The following UBN1 variants were observed in gnomAD, a reference collection of about 807,000 sequenced individuals.
UBN1 encodes the protein ubinuclein 1.
Under a neutral mutation model 108.5 loss-of-function variants are expected in UBN1, and 17 were observed. The ratio of observed to expected loss-of-function variants is 0.16; its 90% confidence interval spans 0.11 to 0.24. UBN1 has a LOEUF of 0.24. Among genes scored for constraint, UBN1 ranks in the 10% least tolerant of loss-of-function variants. The pLI is 1.00. For missense variants in UBN1, 1,595 were observed against 1,394.4 expected (o/e 1.14, Z -2.29); for synonymous variants, 726 against 564.2 (o/e 1.29, Z -4.07).
At chr16:4,876,130 T>C (rs1282164540) in intron 15 of UBN1, among the ~76,000 whole-genome samples, 1 of 152,098 alleles carries the variant, frequency 6.6e-6, no homozygotes, top group Non-Finnish European at 1.5e-5. Flanking sequence ...AGCTAATTTT[T>C]TGTGTTTTTA....
chr16:4,848,585 G>C (rs1178081047), intron 1 of UBN1, among the ~76,000 whole-genome samples: 1 of 152,208 alleles, frequency 6.6e-6, no homozygotes, highest in Non-Finnish European at 1.5e-5. Context: ...AGCGTACTGG[G>C]TCGTCCCGCA....
intron 3 of UBN1, among the ~76,000 whole-genome samples, chr16:4,858,301 T>C (rs1444930004): frequency 6.6e-6 from 1 of 152,180 alleles, no homozygotes; most frequent in African/African-American, 2.4e-5. Context: ...GAAGGGCCTG[T>C]GGTCGCCTTA....
In UBN1 at chr16:4,880,016, A is replaced by G. The variant is rs1378920728; in HGVS notation, c.3356-67A>G. ...TAGGTGTCTCCCTTGAAGTTTGGTT[A>G]CTACTGCCTTAAGGAAATCAGAGAG... On this transcript the variant is annotated intron_variant, in intron 17 of 17. Transcript: ENST00000262376. The G allele has an allele frequency of 1.9e-6, 3 of 1,568,946 alleles. No individual in the cohort carries two copies. The Admixed American group carries it at 5.0e-5, about 26-fold the overall frequency.
intron 14 of UBN1, among the ~76,000 whole-genome samples, chr16:4,873,710 G>A (rs988116824): frequency 6.6e-6 from 1 of 152,192 alleles, no homozygotes; most frequent in Non-Finnish European, 1.5e-5. Flanking sequence ...CAGGGATGCA[G>A]GAGTGAAGGA....
At position 4,880,071 on chromosome 16, in the gene UBN1, A is replaced by T. The variant is rs2088033681; in HGVS notation, c.3356-12A>T. On this transcript the variant is annotated splice_polypyrimidine_tract_variant and intron_variant, in intron 17 of 17. Coordinates refer to ENST00000262376, the MANE Select transcript of UBN1 (RefSeq NM_001079514.3). ...AAAAACTTGCGTTCTAATTTTTCTT[A>T]CTCTTTTCCAGGTGCTTCTCAGCTT... 1 of 1,613,626 alleles carries T rather than the reference A, an allele frequency of 6.2e-7. No homozygotes were observed. Among genetic ancestry groups the T allele is most frequent in the Non-Finnish European group, 8.5e-7 (1 of 1,179,900 alleles).
At position 4,861,818 on chromosome 16, in the gene UBN1, C is replaced by G. The variant is rs560692010; in HGVS notation, c.1110+716C>G. 3.3e-4 allele frequency among the ~76,000 whole-genome samples: 51 copies of G among 152,256 alleles called. No homozygotes were observed. The South Asian group carries it at 9.1e-3, about 27-fold the overall frequency. Reference sequence around the variant, plus strand: ...ATTAGCTGGGCCTGGTGGCGCTCGCCGTAATCCCGGCTACTTGGGAGGCTG... The same window carrying G: ...ATTAGCTGGGCCTGGTGGCGCTCGCGGTAATCCCGGCTACTTGGGAGGCTG... On this transcript the variant is annotated intron_variant, in intron 7 of 17. Transcript: ENST00000262376.
At chr16:4,863,848 T>G (rs901408438) in intron 7 of UBN1, among the ~76,000 whole-genome samples, 1 of 152,122 alleles carries the variant, frequency 6.6e-6, no homozygotes, top group Non-Finnish European at 1.5e-5. Flanking sequence ...TCTTCAGGGC[T>G]TGGTGGTCTC....
intron 8 of UBN1, among the ~76,000 whole-genome samples, chr16:4,869,253 T>C (rs2142231371): frequency 6.6e-6 from 1 of 152,170 alleles, no homozygotes; most frequent in South Asian, 2.1e-4. Context: ...TCCTGAAGAA[T>C]GAGAGACAGC....
chr16:4,858,967 T>G, intron 4 of UBN1, 58 bp from the exon 5 acceptor site: 3 of 1,590,970 alleles, frequency 1.9e-6, no homozygotes, highest in Non-Finnish European at 2.6e-6. Context: ...AGACCCACTT[T>G]GCACCTTCGG....
At chr16:4,853,835 T>C (rs1472304807) in intron 2 of UBN1, among the ~76,000 whole-genome samples, 1 of 152,138 alleles carries the variant, frequency 6.6e-6, no homozygotes, top group African/African-American at 2.4e-5. Flanking sequence ...GTGCTGGGAT[T>C]ACAAACATGA....
intron 2 of UBN1, among the ~76,000 whole-genome samples, chr16:4,855,957 C>T (rs532942683): frequency 2.0e-4 from 30 of 152,238 alleles, no homozygotes; most frequent in Non-Finnish European, 3.2e-4. Flanking sequence ...AAAGTGTTTC[C>T]TTGATTGAGA....
chr16:4,874,720 T>C lies in UBN1; in HGVS notation c.2310T>C (p.Asn770=). 6.2e-7 allele frequency: 1 copy of C among 1,613,958 alleles called. No individual in the cohort carries two copies. Among genetic ancestry groups the C allele is most frequent in the African/African-American group, 1.3e-5 (1 of 74,996 alleles). Residue 770 remains asparagine (N), a synonymous_variant, in exon 15 of 18, where the codon AAT becomes AAC. Transcript: ENST00000262376. ...AGCTGTCCTGCCAGGCTCCCCTCAA[T>C]AAGGGCCTGCCAGAAGTACATCAGT... is the stretch of plus-strand genomic sequence containing the variant. ...YKELSCQAPL[N]KGLPEVHQSK... is the part of the protein sequence containing the mutation.
At chr16:4,854,129 G>C (rs1410823158) in intron 2 of UBN1, among the ~76,000 whole-genome samples, 2 of 151,980 alleles carry the variant, frequency 1.3e-5, no homozygotes, top group African/African-American at 2.4e-5. Context: ...TGCCTCCCGG[G>C]TTCACGCCAT....
chr16:4,864,656 G>A (rs74003520), intron 7 of UBN1, among the ~76,000 whole-genome samples: 10 of 152,120 alleles, frequency 6.6e-5, no homozygotes, highest in South Asian at 2.1e-4. Flanking sequence ...TTATTGTCTT[G>A]AGGTAGTTTG....
intron 8 of UBN1, among the ~76,000 whole-genome samples, chr16:4,869,520 C>A (rs2087506370): frequency 6.6e-6 from 1 of 152,216 alleles, no homozygotes; most frequent in Non-Finnish European, 1.5e-5. Flanking sequence ...CAGTTTGTGG[C>A]AGGGGAAGCT....
rs995661307 is a variant in UBN1 at position 4,860,784 on chromosome 16, G to A, written c.792G>A (p.Glu264=). 4 of 1,614,134 alleles carry A rather than the reference G, an allele frequency of 2.5e-6. No individual in the cohort carries two copies. The African/African-American group carries it at 5.3e-5, about 22-fold the overall frequency. ...KEKEAQKKRE[E]EHKPVAVPSA... ...AAGAGGCTCAGAAAAAAAGGGAGGA[G>A]GAGCATAAGCCTGTTGCGGTCCCAT... The change falls in exon 7 of 18, where the codon GAG becomes GAA. Residue 264 remains glutamate (E), a synonymous_variant. Coordinates refer to ENST00000262376, the MANE Select transcript of UBN1 (RefSeq NM_001079514.3).
At position 4,877,649 on chromosome 16, in the gene UBN1, T is replaced by C; in HGVS notation, c.3355+175T>C. Reference sequence around the variant, plus strand: ...CTCAGGGTGACACGCACTTCTACTCTTGGGGTTTCCTCTGGTCCCCACTTG... The same window carrying C: ...CTCAGGGTGACACGCACTTCTACTCCTGGGGTTTCCTCTGGTCCCCACTTG... On this transcript the variant is annotated intron_variant, in intron 17 of 17. Transcript: ENST00000262376. The surrounding 1 kb of genome is among the most constrained non-coding windows in gnomAD (Gnocchi z 4.3). 1 of 1,313,558 alleles carries C rather than the reference T, an allele frequency of 7.6e-7. No individual in the cohort carries two copies. The highest frequency in any genetic ancestry group is 9.7e-7 in the Non-Finnish European group (1 of 1,032,658). 81.4% of individuals were successfully genotyped at this position (1,313,558 alleles called of 1,614,324 possible). A position where few individuals can be genotyped will look rare whatever the true frequency, so the allele number is the denominator to read the frequency against.
chr16:4,861,997 C>G (rs888543596), intron 7 of UBN1, among the ~76,000 whole-genome samples: 2 of 152,246 alleles, frequency 1.3e-5, no homozygotes, highest in African/African-American at 2.4e-5. Context: ...TGCTGTTTTA[C>G]TCCAGTGATT....
chr16:4,869,601 C>T (rs1301571244), intron 8 of UBN1, among the ~76,000 whole-genome samples: 2 of 152,206 alleles, frequency 1.3e-5, no homozygotes, highest in Non-Finnish European at 2.9e-5. Flanking sequence ...TACCACATGG[C>T]CTCGCCTGGC....
Sources: gnomAD v4.1 joint callset for allele counts (sites outside exome capture counted in the v4.1 genomes callset) on GRCh38, gnomAD v4.1.1 for gene constraint, Gnocchi (gnomAD v3.1) non-coding constraint, MANE v1.5 for transcripts, NCBI Gene and HGNC (gene_info 2026-07-23, HGNC 2026-07-21) for gene names.